NPAT: variants seen among roughly 807,000 people sequenced by gnomAD.
The protein encoded by NPAT is protein NPAT.
A neutral mutation model predicts 130.7 loss-of-function variants in NPAT; 52 were observed. That is an observed-to-expected ratio of 0.40 (90% CI 0.32 to 0.50). The LOEUF (loss-of-function observed/expected upper bound fraction) is 0.50, where lower values mean the gene tolerates loss of function less well. Ranked by LOEUF, NPAT falls within the 20% of genes least tolerant of loss-of-function variation. The pLI, the probability that NPAT is intolerant of heterozygous loss-of-function variation, is 0.68. For synonymous variants in NPAT, 580 were observed against 584.8 expected (o/e 0.99, Z 0.12); for missense variants, 1,687 against 1,662.6 (o/e 1.01, Z -0.26).
intron 6 of NPAT, among the ~76,000 whole-genome samples, chr11:108,188,600 T>C (rs2078131839): frequency 6.6e-6 from 1 of 152,232 alleles, no homozygotes. Flanking sequence ...ATTAACTAGC[T>C]TCTTATCCCT....
intron 15 of NPAT, among the ~76,000 whole-genome samples, chr11:108,169,407 G>T (rs541750254): frequency 1.3e-5 from 2 of 152,118 alleles, no homozygotes; most frequent in Non-Finnish European, 2.9e-5. Flanking sequence ...ACTACAAGAA[G>T]AACTGCTCTA....
intron 13 of NPAT, among the ~76,000 whole-genome samples, chr11:108,170,539 G>A (rs910249006): frequency 6.6e-6 from 1 of 152,178 alleles, no homozygotes; most frequent in Admixed American, 6.5e-5. Context: ...AGGTAAGCAC[G>A]TAACTGGTCA....
At position 108,160,967 on chromosome 11, in the gene NPAT, C is replaced by T. The variant is rs1315784770; in HGVS notation, c.4119G>A (p.Glu1373=). ...SRSTTKKRKI[E]ELDERERNSR... ...AGTTTCGCTCACGTTCATCTAATTC[C>T]TCAATTTTCCGCTTTTTTGTGGTGC... The change falls in exon 17 of 18, where the codon GAG becomes GAA. Residue 1373 remains glutamate (E), a synonymous_variant. Coordinates refer to ENST00000278612, the MANE Select transcript of NPAT (RefSeq NM_002519.3). 4 of 1,613,880 alleles carry T rather than the reference C, an allele frequency of 2.5e-6. No homozygotes were observed. Among genetic ancestry groups the T allele is most frequent in the Admixed American group, 3.3e-5 (2 of 59,974 alleles).
chr11:108,161,788 A>G lies in NPAT; in HGVS notation c.3298T>C (p.Ser1100Pro). Reference protein sequence around the residue: ...RNAVSFPNLDSPNVSSTLKPP... With the variant: ...RNAVSFPNLDPPNVSSTLKPP... Reference sequence around the variant, plus strand: ...TTTAAGGTGGAGGACACATTGGGTGAGTCAAGATTAGGAAAAGAGACTGCA... The same window carrying G: ...TTTAAGGTGGAGGACACATTGGGTGGGTCAAGATTAGGAAAAGAGACTGCA... Residue 1100 changes from serine to proline, a missense_variant, in exon 17 of 18, where the codon TCA (serine) becomes CCA (proline). Coordinates refer to ENST00000278612, the MANE Select transcript of NPAT (RefSeq NM_002519.3). The G allele has an allele frequency of 6.2e-7, 1 of 1,613,986 alleles. No individual in the cohort carries two copies. Among genetic ancestry groups the G allele is most frequent in the Non-Finnish European group, 8.5e-7 (1 of 1,180,040 alleles).
chr11:108,157,654 TC>T lies in NPAT; in HGVS notation c.*1287del, dbSNP rs1401317047. Reference sequence around the variant, plus strand: ...AAAAATGGTTGAGGAAAGTGACTCTTCAACAAAATATACACCTGTAGAAAAA... The same window carrying T: ...AAAAATGGTTGAGGAAAGTGACTCTTAACAAAATATACACCTGTAGAAAAA... On this transcript the variant is annotated 3_prime_UTR_variant, in exon 18 of 18. Coordinates refer to ENST00000278612, the MANE Select transcript of NPAT (RefSeq NM_002519.3). 1 of 152,128 alleles carries T rather than the reference TC, an allele frequency of 6.6e-6. No homozygotes were observed. The highest frequency in any genetic ancestry group is 1.5e-5 in the Non-Finnish European group (1 of 67,972). The allele number at this position is 152,128 out of a possible 1,614,324, so 9.4% of individuals were successfully genotyped here.
intron 6 of NPAT, 70 bp downstream of exon 6, chr11:108,189,036 C>T: frequency 8.3e-7 from 1 of 1,208,276 alleles, no homozygotes; most frequent in Non-Finnish European, 1.2e-6. Flanking sequence ...AGTATAAAGA[C>T]ATTAGTATAT....
intron 10 of NPAT, among the ~76,000 whole-genome samples, chr11:108,181,463 T>C (rs1440162207): frequency 2.8e-5 from 3 of 106,548 alleles, no homozygotes; most frequent in Non-Finnish European, 6.6e-5. Context: ...AGACTCTGTC[T>C]CAAAAAAAAC....
At chr11:108,189,557 T>C (rs12419212) in intron 5 of NPAT, among the ~76,000 whole-genome samples, 10,109 of 152,304 alleles carry the variant, frequency 0.066, 433 homozygotes, top group Non-Finnish European at 0.094. Flanking sequence ...TAATTAATAT[T>C]GATAACACCA....
rs570098296 is a variant in NPAT at position 108,214,085 on chromosome 11, G to A, written c.37+8415C>T. The stretch of plus-strand genomic sequence containing the variant: ...ATTACTTACTTATTGGTACAGATGG[G>A]GTGTCTCAGTATGCTGCCCAGGCTG... On this transcript the variant is annotated intron_variant, in intron 1 of 17. Transcript: ENST00000278612. 7.2e-4 allele frequency among the ~76,000 whole-genome samples: 109 copies of A among 152,140 alleles called. 1 individual carries two copies. Among genetic ancestry groups the A allele is most frequent in the African/African-American group, 2.5e-3 (103 of 41,484 alleles).
chr11:108,170,690 C>A (rs186607545), intron 13 of NPAT, among the ~76,000 whole-genome samples: 1 of 152,284 alleles, frequency 6.6e-6, no homozygotes, highest in East Asian at 1.9e-4. Context: ...CATTTTCATG[C>A]AACCTACTAC....
At chr11:108,179,110 A>G (rs2078035546) in intron 10 of NPAT, among the ~76,000 whole-genome samples, 1 of 152,232 alleles carries the variant, frequency 6.6e-6, no homozygotes, top group Non-Finnish European at 1.5e-5. Context: ...GAGGACCAAG[A>G]TCATACAATG....
Position 108,190,881 on chromosome 11 carries a change from T to G in NPAT, c.291-381A>C, listed in dbSNP as rs561401258. On this transcript the variant is annotated intron_variant, in intron 4 of 17. Coordinates refer to ENST00000278612, the MANE Select transcript of NPAT (RefSeq NM_002519.3). ...TGAGGCCGAGAGTTCATGAACAGCCTGAGCAACATAGCAAGACTCTGTCTC... is the reference window on the plus strand; with the variant it reads ...TGAGGCCGAGAGTTCATGAACAGCCGGAGCAACATAGCAAGACTCTGTCTC... Among the ~76,000 whole-genome samples, 80 of 152,300 alleles carry G rather than the reference T, an allele frequency of 5.3e-4. No individual in the cohort carries two copies. The South Asian group carries it at 0.016, about 31-fold the overall frequency.
intron 15 of NPAT, among the ~76,000 whole-genome samples, chr11:108,162,738 ATAT>A (rs1011430909): frequency 1.3e-5 from 2 of 152,172 alleles, no homozygotes; most frequent in African/African-American, 4.8e-5. Context: ...GTTCAGGCAA[ATAT>A]TATAAATCCA....
At chr11:108,179,814 A>G (rs1395769257) in intron 10 of NPAT, among the ~76,000 whole-genome samples, 1 of 152,088 alleles carries the variant, frequency 6.6e-6, no homozygotes. Context: ...AAAATAAAAT[A>G]AAAAGAAATC....
chr11:108,190,360 GA>G, intron 5 of NPAT, 99 bp downstream of exon 5: 1 of 757,816 alleles, frequency 1.3e-6, no homozygotes, highest in Non-Finnish European at 2.2e-6. Flanking sequence ...GTAGTTTAAG[GA>G]AAATATATAC....
intron 1 of NPAT, among the ~76,000 whole-genome samples, chr11:108,198,483 T>C (rs1234831325): frequency 6.9e-6 from 1 of 144,806 alleles, no homozygotes; most frequent in Non-Finnish European, 1.5e-5. Context: ...ATACAGTTGA[T>C]AAGAGCAGGA....
chr11:108,208,832 G>C (rs1197098561), intron 1 of NPAT, among the ~76,000 whole-genome samples: 1 of 152,114 alleles, frequency 6.6e-6, no homozygotes, highest in African/African-American at 2.4e-5. Context: ...GAACATTCCA[G>C]TCAAAAACAG....
intron 1 of NPAT, among the ~76,000 whole-genome samples, chr11:108,215,335 C>A (rs1360256836): frequency 6.6e-6 from 1 of 151,738 alleles, no homozygotes; most frequent in Non-Finnish European, 1.5e-5. Flanking sequence ...TGAGAACACA[C>A]GGGCACATAA....
chr11:108,172,926 T>C lies in NPAT; in HGVS notation c.2058A>G (p.Ala686=), dbSNP rs1481138351. The C allele has an allele frequency of 1.2e-6, 2 of 1,614,140 alleles. No homozygotes were observed. Among genetic ancestry groups the C allele is most frequent in the South Asian group, 2.2e-5 (2 of 91,090 alleles). Residue 686 remains alanine, a synonymous_variant, in exon 13 of 18, where the codon GCA becomes GCG. Coordinates refer to ENST00000278612, the MANE Select transcript of NPAT (RefSeq NM_002519.3). ...LGGNANCEKV[A]LTPPEGTPVE... Reference sequence around the variant, plus strand: ...CAGGAGTGCCTTCTGGAGGCGTCAGTGCAACTTTCTCACAGTTAGCATTTC... The same window carrying C: ...CAGGAGTGCCTTCTGGAGGCGTCAGCGCAACTTTCTCACAGTTAGCATTTC...
Sources: allele counts gnomAD v4.1 joint callset (sites outside exome capture counted in the v4.1 genomes callset), GRCh38; gene constraint gnomAD v4.1.1; transcripts MANE v1.5; gene names NCBI Gene and HGNC (gene_info 2026-07-23, HGNC 2026-07-21).